Variants in ROBO2 observed in about 807,000 individuals in gnomAD.
The protein encoded by ROBO2 is roundabout guidance receptor 2.
A neutral mutation model predicts 160.8 loss-of-function variants in ROBO2; 53 were observed. The observed-to-expected ratio is 0.33, with a 90% confidence interval of 0.26 to 0.41. The LOEUF is 0.41. ROBO2 is among the 10% of genes least tolerant of loss of function. ROBO2 has a pLI of 1.00. For synonymous variants in ROBO2, 664 were observed against 611.7 expected, an observed-to-expected ratio of 1.09 and a Z score of -1.26; for missense variants, 1,577 against 1,722.4, an observed-to-expected ratio of 0.92 and a Z score of 1.49.
intron 2 of ROBO2, among the ~76,000 whole-genome samples, chr3:76,118,270 T>C (rs1197956606): frequency 6.6e-6 from 1 of 152,152 alleles, no homozygotes; most frequent in Non-Finnish European, 1.5e-5. Context: ...ACAAGGTCAG[T>C]CTTAATTGTT....
chr3:76,639,932 T>C (rs1032096262), intron 2 of ROBO2, among the ~76,000 whole-genome samples: 1 of 152,200 alleles, frequency 6.6e-6, no homozygotes, highest in African/African-American at 2.4e-5. Flanking sequence ...GACTGGATAC[T>C]ATAAAGCTAA....
chr3:77,437,015 CT>C (rs1454332548), intron 2 of ROBO2, among the ~76,000 whole-genome samples: 2 of 151,962 alleles, frequency 1.3e-5, no homozygotes, highest in African/African-American at 4.8e-5. Context: ...TGCATTTCTT[CT>C]GATTCAATTC....
intron 20 of ROBO2, chr3:77,603,062 T>C: frequency 2.2e-6 from 1 of 456,668 alleles, no homozygotes; most frequent in Non-Finnish European, 4.4e-6. Context: ...GTCTCTCAGG[T>C]TGGTCTCATC....
chr3:76,037,884 T>A (rs943511912), intron 2 of ROBO2, among the ~76,000 whole-genome samples: 11 of 152,068 alleles, frequency 7.2e-5, no homozygotes, highest in Non-Finnish European at 1.0e-4. Context: ...AAAGATTCGC[T>A]GAATGACAGG....
intron 2 of ROBO2, among the ~76,000 whole-genome samples, chr3:76,590,004 A>G (rs1329560815): frequency 6.6e-6 from 1 of 152,198 alleles, no homozygotes; most frequent in Non-Finnish European, 1.5e-5. Flanking sequence ...CCGGATAATG[A>G]AAAATATGTA....
chr3:75,911,571 T>C (rs1946586813), intron 1 of ROBO2, among the ~76,000 whole-genome samples: 1 of 140,726 alleles, frequency 7.1e-6, no homozygotes, highest in African/African-American at 2.7e-5. Flanking sequence ...TTTTTTTTTT[T>C]TTTTGAGACG....
intron 2 of ROBO2, among the ~76,000 whole-genome samples, chr3:75,944,969 T>G (rs566432631): frequency 6.6e-6 from 1 of 152,274 alleles, no homozygotes; most frequent in African/African-American, 2.4e-5. Context: ...TTTCATAGTT[T>G]ACGTACCTCC....
At chr3:76,186,702 T>C (rs1036504408) in intron 2 of ROBO2, among the ~76,000 whole-genome samples, 2 of 152,150 alleles carry the variant, frequency 1.3e-5, no homozygotes, top group African/African-American at 4.8e-5. Flanking sequence ...TGTCCTCATA[T>C]CTGTCTCCAA....
intron 2 of ROBO2, among the ~76,000 whole-genome samples, chr3:76,175,304 C>T (rs952225044): frequency 1.3e-5 from 2 of 151,942 alleles, no homozygotes; most frequent in Admixed American, 6.6e-5. Flanking sequence ...ATGTCATCTG[C>T]AAACAGATGA....
At chr3:76,220,218 C>T (rs1289784402) in intron 2 of ROBO2, among the ~76,000 whole-genome samples, 8 of 150,760 alleles carry the variant, frequency 5.3e-5, no homozygotes, top group Admixed American at 4.0e-4. Flanking sequence ...AGGAGATATA[C>T]CTAATGCTAA....
intron 2 of ROBO2, among the ~76,000 whole-genome samples, chr3:76,039,942 A>G (rs1432955088): frequency 6.6e-6 from 1 of 152,024 alleles, no homozygotes; most frequent in Admixed American, 6.5e-5. Flanking sequence ...AATTCTGTAC[A>G]TTACATGAAA....
chr3:76,326,062 G>T (rs893609420), intron 2 of ROBO2, among the ~76,000 whole-genome samples: 2 of 152,092 alleles, frequency 1.3e-5, no homozygotes, highest in Non-Finnish European at 2.9e-5. Flanking sequence ...TTATTTTGGT[G>T]ATTAATTTTT....
chr3:76,881,023 G>A (rs1030487947), intron 2 of ROBO2, among the ~76,000 whole-genome samples: 8 of 152,044 alleles, frequency 5.3e-5, no homozygotes, highest in Admixed American at 5.2e-4. Flanking sequence ...GTTTCTTCCA[G>A]CAGAGTTTTG....
At chr3:76,645,581 G>C (rs1003809500) in intron 2 of ROBO2, among the ~76,000 whole-genome samples, 2 of 152,196 alleles carry the variant, frequency 1.3e-5, no homozygotes, top group Non-Finnish European at 2.9e-5. Context: ...TCTAGACAGA[G>C]AGAGAGAGAA....
chr3:76,706,006 C>T (rs958269558), intron 2 of ROBO2, among the ~76,000 whole-genome samples: 1 of 152,024 alleles, frequency 6.6e-6, no homozygotes, highest in African/African-American at 2.4e-5. Context: ...TAACATATTT[C>T]CTTAATCTAT....
intron 1 of ROBO2, among the ~76,000 whole-genome samples, chr3:77,062,237 C>T (rs2066397359): frequency 6.6e-6 from 1 of 152,088 alleles, no homozygotes; most frequent in Non-Finnish European, 1.5e-5. Context: ...AAGATGGAGT[C>T]TTAGACTCTC....
At chr3:76,987,784 T>C (rs2060465166) in intron 2 of ROBO2, among the ~76,000 whole-genome samples, 2 of 152,180 alleles carry the variant, frequency 1.3e-5, no homozygotes, top group South Asian at 2.1e-4. Flanking sequence ...AAGCATTTCC[T>C]TGGGAATAGT....
chr3:77,019,467 T>C (rs1187975287), intron 2 of ROBO2, among the ~76,000 whole-genome samples: 6 of 152,152 alleles, frequency 3.9e-5, no homozygotes, highest in Non-Finnish European at 7.4e-5. Context: ...GACACAAACA[T>C]GCAAACCATA....
intron 2 of ROBO2, among the ~76,000 whole-genome samples, chr3:77,190,347 G>A (rs941502485): frequency 9.2e-5 from 14 of 151,924 alleles, no homozygotes; most frequent in Non-Finnish European, 5.9e-5. Flanking sequence ...TTATCTGTGT[G>A]TAAAATATAA....
Sources: gnomAD v4.1 joint callset for allele counts (sites outside exome capture counted in the v4.1 genomes callset) on GRCh38, gnomAD v4.1.1 for gene constraint, MANE v1.5 for transcripts, NCBI Gene and HGNC (gene_info 2026-07-23, HGNC 2026-07-21) for gene names.